RPL36: variants seen among roughly 807,000 people sequenced by gnomAD.
RPL36 encodes ribosomal protein L36.
For missense variants in RPL36, 131 were observed against 144.9 expected, an observed-to-expected ratio of 0.90 and a Z score of 0.49; for synonymous variants, 74 against 56.0, an observed-to-expected ratio of 1.32 and a Z score of -1.44.
In RPL36 at chr19:5,690,704, G is replaced by T. The variant is rs984381974; in HGVS notation, c.93+104G>T. ...CTGAAAGAACGCGCGTTCGGGCGCAGAACTAAGGGGGGCTTGAATGGAAGA... is the reference window on the plus strand; with the variant it reads ...CTGAAAGAACGCGCGTTCGGGCGCATAACTAAGGGGGGCTTGAATGGAAGA... On this transcript the variant is annotated intron_variant, in intron 2 of 3. Coordinates refer to ENST00000347512, the MANE Select transcript of RPL36 (RefSeq NM_033643.3). The T allele has an allele frequency of 3.7e-5, 34 of 909,366 alleles. No individual in the cohort carries two copies. The Admixed American group carries it at 6.7e-4, about 18-fold the overall frequency. 56.3% of individuals were successfully genotyped at this position (909,366 alleles called of 1,614,324 possible).
rs774256962 is a variant in RPL36, at chr19:5,691,636, C to T, written c.*15C>T. 1.9e-6 allele frequency: 3 copies of T among 1,594,634 alleles called. No homozygotes were observed. Among genetic ancestry groups the T allele is most frequent in the Admixed American group, 3.5e-5 (2 of 56,528 alleles). On this transcript the variant is annotated 3_prime_UTR_variant, in exon 4 of 4. Transcript: ENST00000347512. ...AGAAAGACTGAGCCCCTCCCCTGCCCTCTCCCTGAAATAAAGAACAGCTTG... is the reference window on the plus strand; with the variant it reads ...AGAAAGACTGAGCCCCTCCCCTGCCTTCTCCCTGAAATAAAGAACAGCTTG...
At chr19:5,690,923 G>C (rs1487511341) in intron 2 of RPL36, 1 of 545,808 alleles carries the variant, frequency 1.8e-6, no homozygotes, top group East Asian at 3.2e-5. Flanking sequence ...GTGTGAGGTT[G>C]AGGGATTTCA....
In RPL36 at chr19:5,691,520, C is replaced by A. The variant is rs45583031; in HGVS notation, c.229-12C>A. On this transcript the variant is annotated splice_polypyrimidine_tract_variant and intron_variant, in intron 3 of 3. Transcript: ENST00000347512. ...GTCAGGGCCGGGCTGACGGCGGCCT[C>A]GTCCCTGGCAGGTGGGGACGCACAT... 1.9e-6 allele frequency: 3 copies of A among 1,610,094 alleles called. No individual in the cohort carries two copies. The highest frequency in any genetic ancestry group is 2.2e-5 in the East Asian group (1 of 44,880).
intron 2 of RPL36, chr19:5,690,847 G>A (rs1486001026): frequency 3.4e-6 from 2 of 584,204 alleles, no homozygotes; most frequent in East Asian, 2.9e-5. Context: ...GCGGCGCGGG[G>A]CAGCGGGTTT....
At chr19:5,690,706 A>C in intron 2 of RPL36, 106 bp downstream of exon 2, 2 of 892,540 alleles carry the variant, frequency 2.2e-6, no homozygotes, top group Non-Finnish European at 3.6e-6. Context: ...CGGGCGCAGA[A>C]CTAAGGGGGG....
rs1393617093 is a variant in RPL36 at position 5,690,514 on chromosome 19, C to T, written c.7C>T (p.Leu3=). ...CCCGTCGCTGTCCGCAGCCATGGCCCTACGCTACCCTATGGCCGTGGGCCT... is the reference window on the plus strand; with the variant it reads ...CCCGTCGCTGTCCGCAGCCATGGCCTTACGCTACCCTATGGCCGTGGGCCT... MA[L]RYPMAVGLNK... Residue 3 remains leucine, a synonymous_variant, in exon 2 of 4, where the codon CTA becomes TTA. Coordinates refer to ENST00000347512, the MANE Select transcript of RPL36 (RefSeq NM_033643.3). 2 of 1,558,174 alleles carry T rather than the reference C, an allele frequency of 1.3e-6. No homozygotes were observed. The highest frequency in any genetic ancestry group is 1.2e-5 in the South Asian group (1 of 84,448).
In RPL36 at chr19:5,691,733, GT is replaced by G; in HGVS notation, c.*113del. The G allele has an allele frequency of 8.5e-7, 1 of 1,176,404 alleles. No homozygotes were observed. The highest frequency in any genetic ancestry group is 2.7e-4 in the Middle Eastern group (1 of 3,668). The allele number at this position is 1,176,404 out of a possible 1,614,324, so 72.9% of individuals were successfully genotyped here. A position where few individuals can be genotyped will look rare whatever the true frequency, so the allele number is the denominator to read the frequency against. ...TCGGGGGCCCGCAGTCCCCTGTCTG[GT>G]GCCCGCTCTGAGCCACACCCTCTCC... On this transcript the variant is annotated 3_prime_UTR_variant, in exon 4 of 4. Coordinates refer to ENST00000347512, the MANE Select transcript of RPL36 (RefSeq NM_033643.3).
intron 2 of RPL36, chr19:5,690,901 CGAGGTTGCGGTGTGT>C (rs1398174253): frequency 4.3e-5 from 24 of 554,176 alleles, no homozygotes; most frequent in Non-Finnish European, 6.5e-5. Flanking sequence ...GGAGCTGGCC[CGAGGTTGCGGTGTGT>C]GAGGTTGAGG....
rs1377572773 is a variant in RPL36, at chr19:5,690,513, C to T, written c.6C>T (p.Ala2=). 1.3e-6 allele frequency: 2 copies of T among 1,557,732 alleles called. No homozygotes were observed. Among genetic ancestry groups the T allele is most frequent in the Middle Eastern group, 1.8e-4 (1 of 5,704 alleles). Residue 2 remains alanine (A), a synonymous_variant, in exon 2 of 4, where the codon GCC becomes GCT. Transcript: ENST00000347512. M[A]LRYPMAVGLN... ...CCCCGTCGCTGTCCGCAGCCATGGC[C>T]CTACGCTACCCTATGGCCGTGGGCC...
rs1048748025 is a variant in RPL36, at chr19:5,690,309, C to A, written c.-21C>A. On this transcript the variant is annotated 5_prime_UTR_variant, in exon 1 of 4. Coordinates refer to ENST00000347512, the MANE Select transcript of RPL36 (RefSeq NM_033643.3). ...GCGGCGCCAGCCCTTCCGCCACGGC[C>A]GTCTCTGGAGAGCAGCAGGTAAGTG... 26 of 620,508 alleles carry A rather than the reference C, an allele frequency of 4.2e-5. No individual in the cohort carries two copies. Among genetic ancestry groups the A allele is most frequent in the Non-Finnish European group, 6.1e-5 (21 of 342,970 alleles). The allele number at this position is 620,508 out of a possible 1,614,324, so 38.4% of individuals were successfully genotyped here. A position where few individuals can be genotyped will look rare whatever the true frequency, so the allele number is the denominator to read the frequency against.
rs1568307279 is a variant in RPL36, at chr19:5,691,489, A to G, written c.228+36A>G. The G allele has an allele frequency of 3.2e-6, 5 of 1,553,888 alleles. No homozygotes were observed. In the Admixed American group the frequency reaches 5.1e-5, roughly 16 times the overall value. ...GCTGCCGGCCGAGGGGCGGGGTGGG[A>G]TGGGAGTCAGGGCCGGGCTGACGGC... On this transcript the variant is annotated intron_variant, in intron 3 of 3. Transcript: ENST00000347512.
intron 2 of RPL36, 150 bp from the exon 3 acceptor site, chr19:5,691,169 G>T: frequency 8.8e-7 from 1 of 1,140,584 alleles, no homozygotes; most frequent in South Asian, 1.4e-5. Flanking sequence ...CTCCGGGCGC[G>T]GCGAAAAGCG....
Position 5,691,352 on chromosome 19 carries a change from A to G in RPL36, c.127A>G (p.Met43Val), listed in dbSNP as rs1490650946. 2 of 1,613,348 alleles carry G rather than the reference A, an allele frequency of 1.2e-6. No homozygotes were observed. Among genetic ancestry groups the G allele is most frequent in the Non-Finnish European group, 1.7e-6 (2 of 1,180,012 alleles). ...LTKHTKFVRDMIREVCGFAPY... is the reference protein window; with the variant it reads ...LTKHTKFVRDVIREVCGFAPY... ...CAAACACACCAAGTTCGTGCGGGAC[A>G]TGATTCGGGAGGTGTGTGGCTTTGC... Residue 43 changes from methionine to valine, a missense_variant, in exon 3 of 4, where the codon ATG becomes GTG. Coordinates refer to ENST00000347512, the MANE Select transcript of RPL36 (RefSeq NM_033643.3).
Position 5,690,612 on chromosome 19 carries a change from T to G in RPL36, c.93+12T>G, listed in dbSNP as rs570471224. The G allele has an allele frequency of 9.7e-6, 15 of 1,552,376 alleles. No homozygotes were observed. The African/African-American group carries it at 1.1e-4, about 11-fold the overall frequency. ...GCCGACGCCGCGGGGTGAGTGCGGGTGCCGCGCGGAGGTTGTCGGGGGTTT... is the reference window on the plus strand; with the variant it reads ...GCCGACGCCGCGGGGTGAGTGCGGGGGCCGCGCGGAGGTTGTCGGGGGTTT... On this transcript the variant is annotated intron_variant, in intron 2 of 3. Transcript: ENST00000347512.
chr19:5,691,226 A>C lies in RPL36; in HGVS notation c.94-93A>C, dbSNP rs2054813626. On this transcript the variant is annotated intron_variant, in intron 2 of 3. Transcript: ENST00000347512. Reference sequence around the variant, plus strand: ...CTCACAGCTACCCACAGAGGGGAGGAAGTAGCCAGGGAAATCGCGGCAGCG... The same window carrying C: ...CTCACAGCTACCCACAGAGGGGAGGCAGTAGCCAGGGAAATCGCGGCAGCG... 2.8e-5 allele frequency: 44 copies of C among 1,577,004 alleles called. No individual in the cohort carries two copies. The South Asian group carries it at 4.9e-4, about 18-fold the overall frequency.
chr19:5,690,999 A>G (rs955048731), intron 2 of RPL36: 6 of 505,384 alleles, frequency 1.2e-5, no homozygotes, highest in South Asian at 2.2e-5. Flanking sequence ...ACGCAGGAGT[A>G]AGGAGTTCGC....
Position 5,691,850 on chromosome 19 carries a change from A to T in RPL36, c.*229A>T, listed in dbSNP as rs1410349435. On this transcript the variant is annotated 3_prime_UTR_variant, in exon 4 of 4. Transcript: ENST00000347512. ...AAGCCGCCGTACTGCAAATGACTTT[A>T]ATCATTAAATAGCTTCTATGCCACA... 7.4e-6 allele frequency: 6 copies of T among 811,982 alleles called. No homozygotes were observed. The highest frequency in any genetic ancestry group is 1.1e-5 in the Non-Finnish European group (6 of 522,874). 50.3% of individuals were successfully genotyped at this position (811,982 alleles called of 1,614,324 possible). A position where few individuals can be genotyped will look rare whatever the true frequency, so the allele number is the denominator to read the frequency against.
At position 5,690,608 on chromosome 19, in the gene RPL36, C is replaced by T. The variant is rs764213712; in HGVS notation, c.93+8C>T. 1.3e-6 allele frequency: 2 copies of T among 1,557,384 alleles called. No homozygotes were observed. Among genetic ancestry groups the T allele is most frequent in the Non-Finnish European group, 1.7e-6 (2 of 1,150,492 alleles). ...CACAGCCGACGCCGCGGGGTGAGTGCGGGTGCCGCGCGGAGGTTGTCGGGG... is the reference window on the plus strand; with the variant it reads ...CACAGCCGACGCCGCGGGGTGAGTGTGGGTGCCGCGCGGAGGTTGTCGGGG... On this transcript the variant is annotated splice_region_variant and intron_variant, in intron 2 of 3. Transcript: ENST00000347512.
In RPL36 at chr19:5,691,808, C is replaced by T. The variant is rs574039528; in HGVS notation, c.*187C>T. 9 of 829,102 alleles carry T rather than the reference C, an allele frequency of 1.1e-5. No homozygotes were observed. The highest frequency in any genetic ancestry group is 4.8e-5 in the Admixed American group (2 of 41,722). 51.4% of individuals were successfully genotyped at this position (829,102 alleles called of 1,614,324 possible). A position where few individuals can be genotyped will look rare whatever the true frequency, so the allele number is the denominator to read the frequency against. On this transcript the variant is annotated 3_prime_UTR_variant, in exon 4 of 4. Transcript: ENST00000347512. ...AAAGCCGTGGCCCGCCCACCCTTCCCGGGGCAGCAGGTGAGGAAGCCGCCG... is the reference window on the plus strand; with the variant it reads ...AAAGCCGTGGCCCGCCCACCCTTCCTGGGGCAGCAGGTGAGGAAGCCGCCG...
Sources: allele counts gnomAD v4.1 joint callset, GRCh38; gene constraint gnomAD v4.1.1; transcripts MANE v1.5; gene names NCBI Gene and HGNC (gene_info 2026-07-23, HGNC 2026-07-21).